Variants in INPP4B observed in about 807,000 individuals in gnomAD.
INPP4B encodes the protein inositol polyphosphate 4-phosphatase type II.
A neutral mutation model predicts 122.5 loss-of-function variants in INPP4B; 55 were observed. That is an observed-to-expected ratio of 0.45 (90% CI 0.36 to 0.56). The LOEUF is 0.56. Ranked by LOEUF, INPP4B falls within the 20% of genes least tolerant of loss-of-function variation. The pLI is 0.00. For missense variants in INPP4B, 1,000 were observed against 1,097.7 expected (o/e 0.91, Z 1.26); for synonymous variants, 403 against 388.7 (o/e 1.04, Z -0.43).
chr4:142,618,890 T>A (rs557941894), intron 2 of INPP4B, among the ~76,000 whole-genome samples: 267 of 151,666 alleles, frequency 1.8e-3, no homozygotes, highest in African/African-American at 6.0e-3. Context: ...AATAAATAAA[T>A]AAATAAATAA....
chr4:142,113,416 G>A (rs1309387073), intron 21 of INPP4B, among the ~76,000 whole-genome samples: 2 of 152,008 alleles, frequency 1.3e-5, no homozygotes, highest in Admixed American at 6.6e-5. Context: ...GAAAATCCAT[G>A]TGTTTCAAGA....
chr4:142,190,149 A>C (rs1202375881), intron 15 of INPP4B, among the ~76,000 whole-genome samples: 2 of 152,110 alleles, frequency 1.3e-5, no homozygotes, highest in Admixed American at 6.5e-5. Flanking sequence ...GTTCCCAAAA[A>C]ACCTGGTCTA....
chr4:142,616,594 A>T (rs1454218022), intron 2 of INPP4B, among the ~76,000 whole-genome samples: 2 of 152,080 alleles, frequency 1.3e-5, no homozygotes, highest in Admixed American at 1.3e-4. Context: ...TTTTTGTCTT[A>T]TTTTAGTTTT....
intron 2 of INPP4B, among the ~76,000 whole-genome samples, chr4:142,557,070 C>A (rs1729362820): frequency 6.6e-6 from 1 of 152,066 alleles, no homozygotes; most frequent in African/African-American, 2.4e-5. Flanking sequence ...CACAGCTGCA[C>A]CTAAGAGATG....
intron 11 of INPP4B, among the ~76,000 whole-genome samples, chr4:142,255,239 G>A (rs192259489): frequency 5.9e-5 from 9 of 151,780 alleles, no homozygotes; most frequent in African/African-American, 1.2e-4. Flanking sequence ...GGTACCAGCC[G>A]CTGCAAAATC....
intron 2 of INPP4B, among the ~76,000 whole-genome samples, chr4:142,507,178 T>C (rs1824141212): frequency 6.6e-6 from 1 of 152,150 alleles, no homozygotes; most frequent in African/African-American, 2.4e-5. Flanking sequence ...GCCACGAGGA[T>C]AGTCAGACTC....
intron 25 of INPP4B, among the ~76,000 whole-genome samples, chr4:142,035,885 T>C (rs1315072967): frequency 6.6e-6 from 1 of 152,068 alleles, no homozygotes; most frequent in African/African-American, 2.4e-5. Context: ...ATGTGTTGGG[T>C]AGGTAGGGAG....
At chr4:142,455,280 C>G (rs186003834) in intron 3 of INPP4B, among the ~76,000 whole-genome samples, 1 of 151,916 alleles carries the variant, frequency 6.6e-6, no homozygotes, top group African/African-American at 2.4e-5. Flanking sequence ...TAATTATTTT[C>G]GTACACATTA....
chr4:142,401,160 C>G (rs759353730), intron 7 of INPP4B, among the ~76,000 whole-genome samples: 5 of 152,094 alleles, frequency 3.3e-5, no homozygotes, highest in Non-Finnish European at 7.4e-5. Flanking sequence ...AGTTGCATCA[C>G]CCACTCCCAC....
At chr4:142,073,371 A>G (rs1004346944) in intron 25 of INPP4B, among the ~76,000 whole-genome samples, 1 of 152,102 alleles carries the variant, frequency 6.6e-6, no homozygotes, top group Admixed American at 6.6e-5. Flanking sequence ...AAAGCTTGCA[A>G]CATTTTGGGT....
intron 2 of INPP4B, among the ~76,000 whole-genome samples, chr4:142,586,411 C>G (rs965125514): frequency 1.3e-5 from 2 of 152,148 alleles, no homozygotes; most frequent in Non-Finnish European, 2.9e-5. Flanking sequence ...AAGAGAGAGA[C>G]AAAGGGTCTC....
rs2152253974 is a variant in INPP4B, at chr4:142,028,720, C to A, written c.*62G>T. The A allele has an allele frequency of 6.6e-7, 1 of 1,513,180 alleles. No individual in the cohort carries two copies. Among genetic ancestry groups the A allele is most frequent in the Non-Finnish European group, 8.9e-7 (1 of 1,120,812 alleles). The allele number at this position is 1,513,180 out of a possible 1,614,324, so 93.7% of individuals were successfully genotyped here. On this transcript the variant is annotated 3_prime_UTR_variant, in exon 26 of 26. Transcript: ENST00000262992. ...GACAATAAAAACAAACAAAAAAGAC[C>A]AAGGTGAAGATTATCCAACTGAAAT...
At chr4:142,370,474 A>G (rs548511338) in intron 7 of INPP4B, among the ~76,000 whole-genome samples, 1 of 152,298 alleles carries the variant, frequency 6.6e-6, no homozygotes, top group Non-Finnish European at 1.5e-5. Context: ...GAAGAAATAA[A>G]AGACATCCAA....
intron 25 of INPP4B, among the ~76,000 whole-genome samples, chr4:142,067,875 A>G (rs559060195): frequency 1.2e-4 from 19 of 152,296 alleles, no homozygotes; most frequent in African/African-American, 3.8e-4. Flanking sequence ...TGAAAGTGAC[A>G]GGGAGAATGG....
intron 18 of INPP4B, among the ~76,000 whole-genome samples, chr4:142,135,455 T>C (rs1803570678): frequency 6.6e-6 from 1 of 152,220 alleles, no homozygotes; most frequent in Non-Finnish European, 1.5e-5. Flanking sequence ...CAGATTTATT[T>C]GAAAAATCAG....
chr4:142,473,939 A>G (rs1463593095), intron 2 of INPP4B, among the ~76,000 whole-genome samples: 1 of 150,902 alleles, frequency 6.6e-6, no homozygotes, highest in African/African-American at 2.4e-5. Flanking sequence ...AGCCAGGTGG[A>G]CAATGCTTGC....
At chr4:142,233,171 C>T (rs1855164623) in intron 12 of INPP4B, among the ~76,000 whole-genome samples, 1 of 151,650 alleles carries the variant, frequency 6.6e-6, no homozygotes, top group Non-Finnish European at 1.5e-5. Context: ...CACAATATCT[C>T]TCAGGTATGC....
At chr4:142,115,136 AG>A (rs1212114206) in intron 21 of INPP4B, among the ~76,000 whole-genome samples, 3 of 152,154 alleles carry the variant, frequency 2.0e-5, no homozygotes, top group Non-Finnish European at 4.4e-5. Flanking sequence ...AAACCAACAA[AG>A]CCTCCAAGAA....
At chr4:142,159,812 T>C (rs1819172233) in intron 17 of INPP4B, among the ~76,000 whole-genome samples, 2 of 152,042 alleles carry the variant, frequency 1.3e-5, no homozygotes, top group African/African-American at 2.4e-5. Context: ...TTCCTAGCTA[T>C]TTTTTCGTAT....
Sources: allele counts gnomAD v4.1 joint callset (sites outside exome capture counted in the v4.1 genomes callset), GRCh38; gene constraint gnomAD v4.1.1; transcripts MANE v1.5; gene names NCBI Gene and HGNC (gene_info 2026-07-23, HGNC 2026-07-21).